ARHGAP22: variants seen among roughly 807,000 people sequenced by gnomAD.
The protein encoded by ARHGAP22 is rho GTPase-activating protein 22.
A neutral mutation model predicts 59.1 loss-of-function variants in ARHGAP22; 48 were observed. The observed-to-expected ratio is 0.81, with a 90% CI of 0.64 to 1.03. The LOEUF (loss-of-function observed/expected upper bound fraction) is 1.03, where lower values mean the gene tolerates loss of function less well. Ranked by LOEUF, ARHGAP22 falls within the 50% of genes least tolerant of loss-of-function variation. The probability of loss-of-function intolerance (pLI) is 0.00; values close to 1 mark genes in which losing one functional copy is unlikely to be tolerated. For missense variants in ARHGAP22, 1,015 were observed against 958.7 expected (o/e 1.06, Z -0.78); for synonymous variants, 445 against 416.4 (o/e 1.07, Z -0.84).
chr10:48,504,981 C>A (rs1013704990), intron 3 of ARHGAP22, among the ~76,000 whole-genome samples: 2 of 152,174 alleles, frequency 1.3e-5, no homozygotes, highest in African/African-American at 4.8e-5. Flanking sequence ...GGGGCCCAAG[C>A]AAGCAATGGG....
At chr10:48,593,952 G>C (rs1044443278) in intron 1 of ARHGAP22, among the ~76,000 whole-genome samples, 1 of 152,172 alleles carries the variant, frequency 6.6e-6, no homozygotes. Context: ...CTGTTATATT[G>C]TACATTTCAT....
At chr10:48,615,958 A>G (rs1225805118) in intron 1 of ARHGAP22, among the ~76,000 whole-genome samples, 3 of 152,036 alleles carry the variant, frequency 2.0e-5, no homozygotes, top group Non-Finnish European at 4.4e-5. Context: ...GGAACAGAAA[A>G]AAAAAAAAAA....
chr10:48,581,476 C>G (rs1320063464), intron 2 of ARHGAP22, among the ~76,000 whole-genome samples: 1 of 152,226 alleles, frequency 6.6e-6, no homozygotes, highest in Non-Finnish European at 1.5e-5. Context: ...GAGTTCCTAT[C>G]TGGCTCACTT....
intron 3 of ARHGAP22, among the ~76,000 whole-genome samples, chr10:48,513,488 A>T (rs1260516184): frequency 6.6e-6 from 1 of 152,330 alleles, no homozygotes; most frequent in East Asian, 1.9e-4. Flanking sequence ...ACATGTGCAA[A>T]CACACTCTCC....
chr10:48,442,114 C>G (rs890213709), downstream of ARHGAP22, among the ~76,000 whole-genome samples: 1 of 152,206 alleles, frequency 6.6e-6, no homozygotes, highest in Non-Finnish European at 1.5e-5. Context: ...ACACTGCATG[C>G]AGCGCTGTGA....
Position 48,446,231 on chromosome 10 carries a change from G to A in ARHGAP22, c.*160C>T. ...CATCTGATCCCACCTGGAGTGTGTG[G>A]GGTCCCAAAAGTCCCCACAGTCCCC... On this transcript the variant is annotated 3_prime_UTR_variant, in exon 10 of 10. Transcript: ENST00000249601. The A allele has an allele frequency of 7.1e-6, 5 of 706,308 alleles. No individual in the cohort carries two copies. Among genetic ancestry groups the A allele is most frequent in the South Asian group, 1.9e-5 (1 of 51,990 alleles). The allele number at this position is 706,308 out of a possible 1,614,324, so 43.8% of individuals were successfully genotyped here.
intron 2 of ARHGAP22, among the ~76,000 whole-genome samples, chr10:48,565,821 T>C (rs1253401314): frequency 6.6e-6 from 1 of 152,198 alleles, no homozygotes; most frequent in Admixed American, 6.5e-5. Flanking sequence ...GGTCACTGTA[T>C]CATTTGTTTG....
chr10:48,563,054 A>T (rs1363165349), intron 2 of ARHGAP22, among the ~76,000 whole-genome samples: 1 of 151,976 alleles, frequency 6.6e-6, no homozygotes, highest in Non-Finnish European at 1.5e-5. Flanking sequence ...GTCTTCCTGC[A>T]CCCTTCCACC....
intron 1 of ARHGAP22, among the ~76,000 whole-genome samples, chr10:48,603,707 C>A (rs2135911606): frequency 6.6e-6 from 1 of 152,314 alleles, no homozygotes; most frequent in Non-Finnish European, 1.5e-5. Flanking sequence ...CATTGGGGTA[C>A]ACAGGGTTCA....
At chr10:48,520,697 T>A (rs916367344) in intron 3 of ARHGAP22, among the ~76,000 whole-genome samples, 6 of 150,862 alleles carry the variant, frequency 4.0e-5, no homozygotes, top group Non-Finnish European at 7.4e-5. Context: ...GGAGGGAGGG[T>A]GAGGATGTCG....
Position 48,453,354 on chromosome 10 carries a change from C to G in ARHGAP22, c.938G>C (p.Gly313Ala). The G allele has an allele frequency of 6.2e-7, 1 of 1,614,056 alleles. No homozygotes were observed. Among genetic ancestry groups the G allele is most frequent in the Non-Finnish European group, 8.5e-7 (1 of 1,179,992 alleles). ...TACCTGTGGCCGCAGAATGTTAGGT[C>G]CAAAAACGGTTGCCAGATTCTGGAC... ...MSVQNLATVF[G>A]PNILRPQVED... The change falls in exon 8 of 10, where the codon GGA (glycine) becomes GCA (alanine). Residue 313 changes from glycine (G) to alanine (A), a missense_variant. By Grantham distance (60) the Gly-to-Ala change is moderately conservative. Coordinates refer to ENST00000249601, the MANE Select transcript of ARHGAP22 (RefSeq NM_021226.4).
chr10:48,643,314 T>C (rs1469977642), intron 1 of ARHGAP22, among the ~76,000 whole-genome samples: 2 of 152,132 alleles, frequency 1.3e-5, no homozygotes, highest in Non-Finnish European at 2.9e-5. Context: ...GCATGTTTAT[T>C]GCGGCACTAT....
chr10:48,452,736 G>T (rs1248273531), intron 8 of ARHGAP22, among the ~76,000 whole-genome samples: 1 of 152,178 alleles, frequency 6.6e-6, no homozygotes, highest in African/African-American at 2.4e-5. Context: ...CGCCTCTCTT[G>T]GCCTCAGTTT....
At chr10:48,592,008 T>C (rs901372736) in intron 1 of ARHGAP22, among the ~76,000 whole-genome samples, 9 of 152,154 alleles carry the variant, frequency 5.9e-5, no homozygotes, top group South Asian at 2.1e-4. Context: ...CCCATTGATA[T>C]CTAAAAATGT....
chr10:48,542,655 G>A (rs2056070061), intron 3 of ARHGAP22, among the ~76,000 whole-genome samples: 1 of 152,228 alleles, frequency 6.6e-6, no homozygotes, highest in African/African-American at 2.4e-5. Flanking sequence ...GGAGGGCTGG[G>A]GTTGGGGTCA....
the ARHGAP22 span, chr10:48,434,929 C>G: frequency 1.9e-6 from 3 of 1,613,184 alleles, no homozygotes; most frequent in African/African-American, 4.0e-5. Context: ...TCATCGTCGT[C>G]TGTCAATGAT....
chr10:48,470,367 C>T (rs2048119644), intron 4 of ARHGAP22, among the ~76,000 whole-genome samples: 1 of 152,234 alleles, frequency 6.6e-6, no homozygotes, highest in Non-Finnish European at 1.5e-5. Context: ...GGCCTTTGTT[C>T]TGGTAAACAG....
intron 1 of ARHGAP22, among the ~76,000 whole-genome samples, chr10:48,642,203 C>G (rs1242019251): frequency 6.6e-6 from 1 of 152,174 alleles, no homozygotes; most frequent in Non-Finnish European, 1.5e-5. Context: ...CATCAAGCTA[C>G]CAATGACTTT....
chr10:48,540,385 C>A (rs192440739), intron 3 of ARHGAP22, among the ~76,000 whole-genome samples: 121 of 152,308 alleles, frequency 7.9e-4, no homozygotes, highest in African/African-American at 2.8e-3. Flanking sequence ...GCATGCGCCA[C>A]TGTGCCTGGC....
Sources: gnomAD v4.1 joint callset for allele counts (sites outside exome capture counted in the v4.1 genomes callset) on GRCh38, gnomAD v4.1.1 for gene constraint, MANE v1.5 for transcripts, NCBI Gene and HGNC (gene_info 2026-07-23, HGNC 2026-07-21) for gene names.